SLC39A12: variants seen among roughly 807,000 people sequenced by gnomAD.
SLC39A12 encodes zinc transporter ZIP12.
In SLC39A12, 63 loss-of-function variants were observed where a neutral mutation model predicts 71.1. That is an observed-to-expected ratio of 0.89 (90% confidence interval 0.72 to 1.09). The LOEUF is 1.09. Among genes scored for constraint, SLC39A12 ranks in the 50% least tolerant of loss-of-function variants. SLC39A12 has a pLI of 0.00. For missense variants in SLC39A12, 892 were observed against 812.6 expected, an observed-to-expected ratio of 1.10 and a Z score of -1.19; for synonymous variants, 351 against 301.3, an observed-to-expected ratio of 1.16 and a Z score of -1.71.
intron 4 of SLC39A12, among the ~76,000 whole-genome samples, chr10:17,974,581 C>T (rs1419076049): frequency 6.6e-6 from 1 of 152,230 alleles, no homozygotes; most frequent in Non-Finnish European, 1.5e-5. Context: ...GATTACCAGG[C>T]AGAGACTCTT....
chr10:18,036,769 TATATATATATATATATATATATATA>T lies in SLC39A12; in HGVS notation c.1948-5935_1948-5911del, dbSNP rs1589261292. On this transcript the variant is annotated intron_variant, in intron 12 of 12. Transcript: ENST00000377369. ...AATTATATATATATATATATATATA[TATATATATATATATATATATATATA>T]TTTTTTTTTTTAATGGAATCTCACT... Among the ~76,000 whole-genome samples the T allele has an allele frequency of 6.9e-4, 55 of 79,330 alleles. 5 individuals are homozygous for T. The highest frequency in any genetic ancestry group is 5.8e-3 in the Middle Eastern group (1 of 172). 52.0% of individuals were successfully genotyped at this position (79,330 alleles called of 152,430 possible). A position where few individuals can be genotyped will look rare whatever the true frequency, so the allele number is the denominator to read the frequency against.
chr10:18,019,360 T>G (rs1283933506), intron 12 of SLC39A12, among the ~76,000 whole-genome samples: 2 of 152,040 alleles, frequency 1.3e-5, no homozygotes, highest in African/African-American at 4.8e-5. Context: ...TTTGTCGAAT[T>G]TCTGTATTGA....
intron 12 of SLC39A12, among the ~76,000 whole-genome samples, chr10:18,037,608 A>G (rs1418824685): frequency 6.8e-6 from 1 of 146,670 alleles, no homozygotes; most frequent in Non-Finnish European, 1.5e-5. Context: ...AAAGGGGGGA[A>G]ATATATATGT....
intron 12 of SLC39A12, among the ~76,000 whole-genome samples, chr10:18,018,522 A>G (rs1279506903): frequency 6.6e-6 from 1 of 152,130 alleles, no homozygotes; most frequent in African/African-American, 2.4e-5. Flanking sequence ...AGGTTTTTGT[A>G]AATGTTCTTT....
At chr10:17,953,615 T>A (rs1036911189) in intron 2 of SLC39A12, 78 bp downstream of exon 2, 28 of 1,483,376 alleles carry the variant, frequency 1.9e-5, no homozygotes, top group Middle Eastern at 4.8e-4. Flanking sequence ...TTTATTTCAG[T>A]AAAGCAAAAT....
At chr10:18,030,534 C>T (rs569596303) in intron 12 of SLC39A12, among the ~76,000 whole-genome samples, 13 of 151,986 alleles carry the variant, frequency 8.6e-5, no homozygotes, top group Admixed American at 2.6e-4. Context: ...CCACCGTGCC[C>T]GGCCAAGTCT....
At chr10:17,984,543 G>A (rs1835353098) in intron 6 of SLC39A12, among the ~76,000 whole-genome samples, 1 of 152,146 alleles carries the variant, frequency 6.6e-6, no homozygotes, top group South Asian at 2.1e-4. Flanking sequence ...TTTAATTTAT[G>A]TAATAAATGA....
At chr10:18,042,429 G>C (rs886514082) in intron 12 of SLC39A12, among the ~76,000 whole-genome samples, 2 of 135,496 alleles carry the variant, frequency 1.5e-5, no homozygotes, top group African/African-American at 2.9e-5. Flanking sequence ...TTGCACTCCA[G>C]CCTGGGTGAC....
In SLC39A12 at chr10:17,953,509, G is replaced by C. The variant is rs781931631; in HGVS notation, c.233G>C (p.Arg78Thr). ...GAGAAAACTGGGTGCCCACGGAGGA[G>C]AAACGGAATGCAAGGAGATTGCAAT... is the stretch of plus-strand genomic sequence containing the variant. Reference protein sequence around the residue: ...LLEKTGCPRRRNGMQGDCNLC... With the variant: ...LLEKTGCPRRTNGMQGDCNLC... Residue 78 changes from arginine to threonine, a missense_variant, in exon 2 of 13, where the codon AGA becomes ACA. Transcript: ENST00000377369. 1.2e-6 allele frequency: 2 copies of C among 1,614,198 alleles called. No homozygotes were observed. Among genetic ancestry groups the C allele is most frequent in the South Asian group, 2.2e-5 (2 of 91,072 alleles).
At chr10:17,988,400 C>T (rs116137496) in intron 7 of SLC39A12, among the ~76,000 whole-genome samples, 3,621 of 152,222 alleles carry the variant, frequency 0.024, 131 homozygotes, top group African/African-American at 0.071. Context: ...TTCTCTCTCT[C>T]ATTATGTGAT....
intron 3 of SLC39A12, among the ~76,000 whole-genome samples, chr10:17,963,195 A>G (rs1299127992): frequency 1.3e-5 from 2 of 152,120 alleles, no homozygotes; most frequent in Non-Finnish European, 2.9e-5. Context: ...AAAAGAAAAG[A>G]AAAAGGGGTT....
At chr10:17,957,436 A>T (rs1357241464) in intron 2 of SLC39A12, among the ~76,000 whole-genome samples, 1 of 152,152 alleles carries the variant, frequency 6.6e-6, no homozygotes, top group Admixed American at 6.5e-5. Context: ...CCCAGAATTT[A>T]TGAGATTCCC....
chr10:17,991,124 C>G, intron 7 of SLC39A12, 27 bp from the exon 8 acceptor site: 1 of 936,868 alleles, frequency 1.1e-6, no homozygotes, highest in Non-Finnish European at 1.5e-6. Context: ...TTTCTCTCTG[C>G]CTTTTTTTTT....
At chr10:17,970,647 T>C (rs1834945115) in intron 4 of SLC39A12, among the ~76,000 whole-genome samples, 1 of 151,644 alleles carries the variant, frequency 6.6e-6, no homozygotes, top group Non-Finnish European at 1.5e-5. Context: ...TGCAACTTTA[T>C]TGGATTTTCT....
At chr10:18,038,405 C>T (rs944567041) in intron 12 of SLC39A12, among the ~76,000 whole-genome samples, 10 of 152,130 alleles carry the variant, frequency 6.6e-5, no homozygotes, top group African/African-American at 1.7e-4. Flanking sequence ...AATCCCAGCA[C>T]TTTGGGAGGC....
intron 4 of SLC39A12, among the ~76,000 whole-genome samples, chr10:17,966,485 A>AT (rs1279973876): frequency 1.3e-5 from 2 of 151,722 alleles, no homozygotes; most frequent in African/African-American, 4.8e-5. Context: ...TAATTTTCTT[A>AT]TTTTTTGTAG....
At chr10:18,041,780 T>C (rs1837254950) in intron 12 of SLC39A12, among the ~76,000 whole-genome samples, 1 of 146,770 alleles carries the variant, frequency 6.8e-6, no homozygotes, top group South Asian at 2.1e-4. Context: ...TACATATGTA[T>C]ATACATATGT....
chr10:17,967,210 G>A (rs1031796580), intron 4 of SLC39A12, among the ~76,000 whole-genome samples: 7 of 152,148 alleles, frequency 4.6e-5, no homozygotes, highest in African/African-American at 1.7e-4. Context: ...CATCTATCAC[G>A]CATTTCTATG....
chr10:18,041,557 CGCACACAT>C lies in SLC39A12; in HGVS notation c.1948-1147_1948-1140del, dbSNP rs367664432. 4.8e-3 allele frequency among the ~76,000 whole-genome samples: 636 copies of C among 133,226 alleles called. 30 individuals are homozygous for C. Among genetic ancestry groups the C allele is most frequent in the Middle Eastern group, 0.012 (3 of 250 alleles). 87.4% of individuals were successfully genotyped at this position (133,226 alleles called of 152,430 possible). A position where few individuals can be genotyped will look rare whatever the true frequency, so the allele number is the denominator to read the frequency against. ...ATATACACACACACACACACACACA[CGCACACAT>C]ACACACACACATACATACACACACC... On this transcript the variant is annotated intron_variant, in intron 12 of 12. Transcript: ENST00000377369.
Sources: gnomAD v4.1 joint callset for allele counts (sites outside exome capture counted in the v4.1 genomes callset) on GRCh38, gnomAD v4.1.1 for gene constraint, MANE v1.5 for transcripts, NCBI Gene and HGNC (gene_info 2026-07-23, HGNC 2026-07-21) for gene names.